CNTNAP5: variants seen among roughly 807,000 people sequenced by gnomAD.
CNTNAP5 encodes the protein contactin associated protein family member 5.
A neutral mutation model predicts 150.2 loss-of-function variants in CNTNAP5; 72 were observed. The observed-to-expected ratio is 0.48, with a 90% CI of 0.40 to 0.58. CNTNAP5 has a LOEUF of 0.58. Ranked by LOEUF, CNTNAP5 falls within the 20% of genes least tolerant of loss-of-function variation. The probability of loss-of-function intolerance (pLI) is 0.00; values close to 1 mark genes in which losing one functional copy is unlikely to be tolerated. For synonymous variants in CNTNAP5, 672 were observed against 619.8 expected (o/e 1.08, Z -1.25); for missense variants, 1,636 against 1,626.2 (o/e 1.01, Z -0.10).
chr2:124,741,853 C>G (rs139818964), intron 13 of CNTNAP5, among the ~76,000 whole-genome samples: 1 of 152,262 alleles, frequency 6.6e-6, no homozygotes, highest in East Asian at 1.9e-4. Flanking sequence ...TTCTCTCACA[C>G]ATACATTCCC....
At chr2:124,564,442 G>A (rs1479594212) in intron 11 of CNTNAP5, among the ~76,000 whole-genome samples, 1 of 152,092 alleles carries the variant, frequency 6.6e-6, no homozygotes, top group Non-Finnish European at 1.5e-5. Context: ...TGGAACCTCC[G>A]CCTCCTGGTT....
chr2:124,735,479 T>C (rs1200755559), intron 13 of CNTNAP5, among the ~76,000 whole-genome samples: 1 of 152,034 alleles, frequency 6.6e-6, no homozygotes, highest in East Asian at 1.9e-4. Flanking sequence ...AATCAATAGA[T>C]AGACTAATAC....
chr2:124,726,779 A>G (rs11680115), intron 13 of CNTNAP5, among the ~76,000 whole-genome samples: 39,297 of 151,674 alleles, frequency 0.26, 5,656 homozygotes, highest in Non-Finnish European at 0.34. Context: ...CCTGTATTCC[A>G]TAGGATATTT....
At chr2:124,139,117 GT>G (rs1052761072) in intron 1 of CNTNAP5, among the ~76,000 whole-genome samples, 8 of 151,454 alleles carry the variant, frequency 5.3e-5, no homozygotes, top group East Asian at 1.9e-4. Flanking sequence ...TTTTGTTGGA[GT>G]TTTTTTTTCC....
chr2:124,099,672 G>A lies in CNTNAP5; in HGVS notation c.82+73940G>A, dbSNP rs148911327. Among the ~76,000 whole-genome samples, 396 of 152,294 alleles carry A rather than the reference G, an allele frequency of 2.6e-3. 3 individuals carry two copies. The highest frequency in any genetic ancestry group is 9.0e-3 in the African/African-American group (374 of 41,544). Reference sequence around the variant, plus strand: ...GTTTGATTGGCTCACAGTTCTGCAGGCTGTATAGGAAGAATGGCAGCATCT... The same window carrying A: ...GTTTGATTGGCTCACAGTTCTGCAGACTGTATAGGAAGAATGGCAGCATCT... On this transcript the variant is annotated intron_variant, in intron 1 of 23. Transcript: ENST00000682447.
At chr2:124,163,104 T>G (rs1573802670) in intron 1 of CNTNAP5, among the ~76,000 whole-genome samples, 1 of 152,160 alleles carries the variant, frequency 6.6e-6, no homozygotes, top group Admixed American at 6.6e-5. Flanking sequence ...ATTCTTAAAT[T>G]TGGGAACCAA....
chr2:124,570,109 A>G (rs145533796), intron 11 of CNTNAP5, among the ~76,000 whole-genome samples: 7 of 152,294 alleles, frequency 4.6e-5, no homozygotes, highest in African/African-American at 7.2e-5. Flanking sequence ...TGATATCTGA[A>G]TCTTCCCAGG....
chr2:124,714,315 C>A (rs914006945), intron 13 of CNTNAP5, among the ~76,000 whole-genome samples: 7 of 152,036 alleles, frequency 4.6e-5, no homozygotes, highest in Non-Finnish European at 7.4e-5. Context: ...TGATGTAAAA[C>A]AAATATTTGA....
Position 124,920,417 on chromosome 2 carries a change from G to T in CNTNAP5, c.*6129G>T, listed in dbSNP as rs1055402419. On this transcript the variant is annotated 3_prime_UTR_variant, in exon 24 of 24. Transcript: ENST00000682447. ...AGCCTCTATCACAAACATTTTACAT[G>T]AAATATTCACCTAGTCTATTCTCTT... Among the ~76,000 whole-genome samples, 1 of 152,098 alleles carries T rather than the reference G, an allele frequency of 6.6e-6. No individual in the cohort carries two copies. The highest frequency in any genetic ancestry group is 2.4e-5 in the African/African-American group (1 of 41,426).
intron 3 of CNTNAP5, among the ~76,000 whole-genome samples, chr2:124,316,145 G>A (rs1453723875): frequency 6.6e-6 from 1 of 152,142 alleles, no homozygotes; most frequent in Non-Finnish European, 1.5e-5. Context: ...GGGCCAGCAG[G>A]AGTTGGGGAT....
chr2:124,259,725 G>A (rs1239169041), intron 3 of CNTNAP5, among the ~76,000 whole-genome samples: 1 of 152,096 alleles, frequency 6.6e-6, no homozygotes, highest in East Asian at 1.9e-4. Flanking sequence ...ACCGATAACA[G>A]ACAAGCAGAG....
chr2:124,781,606 C>T (rs930548312), intron 17 of CNTNAP5, among the ~76,000 whole-genome samples: 1 of 152,082 alleles, frequency 6.6e-6, no homozygotes, highest in Non-Finnish European at 1.5e-5. Flanking sequence ...GCCTCAGGGC[C>T]TAAGACTGAC....
At chr2:124,626,107 T>C (rs1382019541) in intron 12 of CNTNAP5, among the ~76,000 whole-genome samples, 2 of 152,278 alleles carry the variant, frequency 1.3e-5, no homozygotes, top group East Asian at 3.9e-4. Context: ...ATCACTTTTA[T>C]TTCAGAGCCA....
intron 3 of CNTNAP5, among the ~76,000 whole-genome samples, chr2:124,285,965 CT>C (rs993981869): frequency 2.2e-4 from 33 of 152,040 alleles, no homozygotes; most frequent in African/African-American, 7.5e-4. Flanking sequence ...TTTGGGTACC[CT>C]TTTATTCAGG....
chr2:124,694,263 T>C (rs527440017), intron 13 of CNTNAP5, among the ~76,000 whole-genome samples: 18 of 152,318 alleles, frequency 1.2e-4, no homozygotes, highest in Admixed American at 9.2e-4. Flanking sequence ...TAGTCATTTT[T>C]ATTTAGTTCT....
At chr2:124,116,248 T>C (rs1223001523) in intron 1 of CNTNAP5, among the ~76,000 whole-genome samples, 1 of 152,108 alleles carries the variant, frequency 6.6e-6, no homozygotes. Flanking sequence ...ATAAAGTGGG[T>C]ACCAGGTGTT....
intron 19 of CNTNAP5, among the ~76,000 whole-genome samples, chr2:124,812,064 TATATAATTTATATTTATATATTATATA>T (rs1558785524): frequency 1.9e-4 from 18 of 93,620 alleles, no homozygotes; most frequent in African/African-American, 4.6e-4. Flanking sequence ...TATTATATAA[TATATAATTTATATTTATATATTATATA>T]ATATATAATT....
intron 1 of CNTNAP5, among the ~76,000 whole-genome samples, chr2:124,213,446 A>C (rs12711676): frequency 0.29 from 43,412 of 152,090 alleles, 6,412 homozygotes; most frequent in South Asian, 0.48. Context: ...ATTCAACAGG[A>C]TAGAACTTGT....
At chr2:124,340,899 T>G (rs1364808795) in intron 3 of CNTNAP5, among the ~76,000 whole-genome samples, 3 of 144,356 alleles carry the variant, frequency 2.1e-5, no homozygotes, top group Admixed American at 7.0e-5. Flanking sequence ...TATATATATA[T>G]AGACACACAC....
Sources: allele counts gnomAD v4.1 joint callset (sites outside exome capture counted in the v4.1 genomes callset), GRCh38; gene constraint gnomAD v4.1.1; transcripts MANE v1.5; gene names NCBI Gene and HGNC (gene_info 2026-07-23, HGNC 2026-07-21).